The following AUTS2 variants were observed in gnomAD, a reference collection of about 807,000 sequenced individuals.
The protein encoded by AUTS2 is activator of transcription and developmental regulator AUTS2.
Under a neutral mutation model 112.4 loss-of-function variants are expected in AUTS2, and 17 were observed. The ratio of observed to expected loss-of-function variants is 0.15; its 90% confidence interval spans 0.10 to 0.23. The LOEUF is 0.23. AUTS2 is among the 10% of genes least tolerant of loss of function. The pLI, the probability that AUTS2 is intolerant of heterozygous loss-of-function variation, is 1.00. For missense variants in AUTS2, 1,510 were observed against 1,701.6 expected, an observed-to-expected ratio of 0.89 and a Z score of 1.98; for synonymous variants, 751 against 702.7, an observed-to-expected ratio of 1.07 and a Z score of -1.09.
rs548741127 is a variant in AUTS2 at position 69,950,961 on chromosome 7, C to G, written c.522+51463C>G. Among the ~76,000 whole-genome samples the G allele has an allele frequency of 2.6e-5, 4 of 151,814 alleles. No homozygotes were observed. In the East Asian group the frequency reaches 7.7e-4, roughly 29 times the overall value. On this transcript the variant is annotated intron_variant, in intron 2 of 18. Coordinates refer to ENST00000342771, the MANE Select transcript of AUTS2 (RefSeq NM_015570.4). Reference sequence around the variant, plus strand: ...ACCAGCCAGGACAACATAGCAAGACCTGTCTCTCTCTTTCTCTCTTTTTTT... The same window carrying G: ...ACCAGCCAGGACAACATAGCAAGACGTGTCTCTCTCTTTCTCTCTTTTTTT...
At chr7:70,314,173 C>T (rs1789889988) in intron 4 of AUTS2, among the ~76,000 whole-genome samples, 1 of 152,198 alleles carries the variant, frequency 6.6e-6, no homozygotes, top group African/African-American at 2.4e-5. Flanking sequence ...TTGTCTCTCT[C>T]TCTTTCCCTG....
intron 1 of AUTS2, among the ~76,000 whole-genome samples, chr7:69,627,676 G>A (rs1484695599): frequency 1.3e-5 from 2 of 152,056 alleles, no homozygotes; most frequent in Non-Finnish European, 2.9e-5. Flanking sequence ...GTAGGGGAGA[G>A]CATGGTTATG....
rs76992872 is a variant in AUTS2, at chr7:70,179,341, C to T, written c.660+44770C>T. Among the ~76,000 whole-genome samples the T allele has an allele frequency of 2.2e-3, 341 of 152,294 alleles. 1 individual carries two copies. The highest frequency in any genetic ancestry group is 3.6e-3 in the Non-Finnish European group (243 of 68,020). ...CCTGAAGCATGAGTTTTGGTCACCC[C>T]TACAGCAGGGGAGATTTCTTCAAAA... On this transcript the variant is annotated intron_variant, in intron 4 of 18. Transcript: ENST00000342771.
intron 5 of AUTS2, among the ~76,000 whole-genome samples, chr7:70,495,741 C>G (rs1478750566): frequency 7.8e-6 from 1 of 128,976 alleles, no homozygotes; most frequent in African/African-American, 3.0e-5. Flanking sequence ...ACATCAGCAT[C>G]GATCACACAC....
chr7:69,997,782 G>T (rs1799013465), intron 2 of AUTS2, among the ~76,000 whole-genome samples: 2 of 152,110 alleles, frequency 1.3e-5, no homozygotes, highest in South Asian at 4.1e-4. Context: ...ACCTCCCTAT[G>T]CCCAGCTTCA....
intron 1 of AUTS2, among the ~76,000 whole-genome samples, chr7:69,884,128 T>C (rs1387741310): frequency 6.6e-6 from 1 of 152,158 alleles, no homozygotes; most frequent in East Asian, 1.9e-4. Flanking sequence ...GTGGGCACAG[T>C]TTCTAAGGTA....
chr7:70,735,797 C>T (rs368025240), intron 6 of AUTS2, among the ~76,000 whole-genome samples: 30 of 152,202 alleles, frequency 2.0e-4, no homozygotes, highest in African/African-American at 7.0e-4. Context: ...TCCATTCCCC[C>T]GAGGAAGATT....
rs111555232 is a variant in AUTS2 at position 69,980,595 on chromosome 7, TA to T, written c.522+81108del. ...GGAAACAGTTAAAGCTTGAAACTGT[TA>T]AAAAAAAAAAGTGTACGCTTACATT... On this transcript the variant is annotated intron_variant, in intron 2 of 18. Transcript: ENST00000342771. Among the ~76,000 whole-genome samples, 369 of 146,976 alleles carry T rather than the reference TA, an allele frequency of 2.5e-3. 4 individuals carry two copies. The highest frequency in any genetic ancestry group is 4.5e-3 in the East Asian group (23 of 5,082).
intron 1 of AUTS2, among the ~76,000 whole-genome samples, chr7:69,807,405 G>C (rs993694509): frequency 2.0e-5 from 3 of 152,078 alleles, no homozygotes; most frequent in African/African-American, 7.2e-5. Flanking sequence ...TAGTTTATGT[G>C]GGTCAGGAAT....
At chr7:69,812,479 T>C (rs1344401890) in intron 1 of AUTS2, among the ~76,000 whole-genome samples, 21 of 152,188 alleles carry the variant, frequency 1.4e-4, no homozygotes, top group Non-Finnish European at 1.5e-5. Context: ...TGGCAGAACC[T>C]GGAGGGCAGA....
At chr7:70,636,261 G>A (rs1481650766) in intron 5 of AUTS2, among the ~76,000 whole-genome samples, 1 of 152,144 alleles carries the variant, frequency 6.6e-6, no homozygotes, top group Non-Finnish European at 1.5e-5. Flanking sequence ...CTCCAGGTGT[G>A]GTCCCTCACC....
intron 5 of AUTS2, among the ~76,000 whole-genome samples, chr7:70,556,735 C>G (rs994699803): frequency 6.6e-6 from 1 of 152,168 alleles, no homozygotes; most frequent in Non-Finnish European, 1.5e-5. Context: ...TGATAACCAC[C>G]CAGTTTTCTG....
chr7:70,273,059 A>AT (rs1211797034), intron 4 of AUTS2, among the ~76,000 whole-genome samples: 1 of 151,908 alleles, frequency 6.6e-6, no homozygotes, highest in Non-Finnish European at 1.5e-5. Flanking sequence ...TATTTATTTT[A>AT]TTTTTTTGAG....
chr7:69,984,045 A>G (rs1478715370), intron 2 of AUTS2, among the ~76,000 whole-genome samples: 1 of 152,168 alleles, frequency 6.6e-6, no homozygotes, highest in Non-Finnish European at 1.5e-5. Flanking sequence ...TATGGTAAGA[A>G]ATTTAAATGT....
intron 5 of AUTS2, among the ~76,000 whole-genome samples, chr7:70,687,738 TAAGG>T (rs1236473398): frequency 6.6e-6 from 1 of 152,106 alleles, no homozygotes; most frequent in Non-Finnish European, 1.5e-5. Context: ...TTCAGGGTGA[TAAGG>T]AAGGAAGCTT....
chr7:70,531,774 A>G (rs1331747372), intron 5 of AUTS2, among the ~76,000 whole-genome samples: 1 of 152,142 alleles, frequency 6.6e-6, no homozygotes, highest in African/African-American at 2.4e-5. Context: ...TTTGGAGGGG[A>G]CAAATATCCA....
intron 5 of AUTS2, among the ~76,000 whole-genome samples, chr7:70,510,424 TG>T: frequency 6.6e-6 from 1 of 152,068 alleles, no homozygotes; most frequent in East Asian, 1.9e-4. Flanking sequence ...CTAGGAGGAG[TG>T]GGGAAACATT....
intron 1 of AUTS2, among the ~76,000 whole-genome samples, chr7:69,674,162 C>T (rs534838140): frequency 1.3e-5 from 2 of 152,286 alleles, no homozygotes; most frequent in South Asian, 2.1e-4. Flanking sequence ...ATTTTGTCTC[C>T]CTGACCATTT....
chr7:70,568,535 G>A (rs1158604452), intron 5 of AUTS2, among the ~76,000 whole-genome samples: 1 of 151,854 alleles, frequency 6.6e-6, no homozygotes, highest in African/African-American at 2.4e-5. Flanking sequence ...GCACTTTGGG[G>A]GAAAAAAAAA....
Sources: gnomAD v4.1 joint callset for allele counts (sites outside exome capture counted in the v4.1 genomes callset) on GRCh38, gnomAD v4.1.1 for gene constraint, MANE v1.5 for transcripts, NCBI Gene and HGNC (gene_info 2026-07-23, HGNC 2026-07-21) for gene names.